NFYC: variants seen among roughly 807,000 people sequenced by gnomAD.
NFYC encodes nuclear transcription factor Y subunit gamma, also known as CAAT box DNA-binding protein subunit C.
NFYC carries 25 observed loss-of-function variants against 53.1 expected under a neutral mutation model. That is an observed-to-expected ratio of 0.47 (90% CI 0.34 to 0.66). NFYC has a LOEUF of 0.66. Ranked by LOEUF, NFYC falls within the 30% of genes least tolerant of loss-of-function variation. NFYC has a pLI of 0.01. For missense variants in NFYC, 260 were observed against 422.7 expected, an observed-to-expected ratio of 0.62 and a Z score of 3.38; for synonymous variants, 145 against 152.6, an observed-to-expected ratio of 0.95 and a Z score of 0.37.
At position 40,691,882 on chromosome 1, in the gene NFYC, G is replaced by C. The variant is rs536820058; in HGVS notation, c.-9+15G>C. ...CCTGAGCAGAGGTGTGTGAGTGTGC[G>C]GGAGTTTCTGTGCGAGGGTGATAGG... On this transcript the variant is annotated intron_variant, in intron 1 of 9. Transcript: ENST00000447388. The C allele has an allele frequency of 2.7e-4, 104 of 385,666 alleles. No homozygotes were observed. The highest frequency in any genetic ancestry group is 1.4e-3 in the Middle Eastern group (4 of 2,782). The allele number at this position is 385,666 out of a possible 1,614,324, so 23.9% of individuals were successfully genotyped here.
intron 6 of NFYC, 81 bp from the exon 7 acceptor site, chr1:40,762,807 A>G: frequency 1.5e-6 from 2 of 1,353,604 alleles, no homozygotes; most frequent in Non-Finnish European, 9.8e-7. Flanking sequence ...CTCCCAGCAC[A>G]TTGCTCGTTA....
intron 1 of NFYC, among the ~76,000 whole-genome samples, chr1:40,726,578 T>C (rs894062621): frequency 6.6e-6 from 1 of 152,012 alleles, no homozygotes; most frequent in African/African-American, 2.4e-5. Flanking sequence ...CCCAGCTGAT[T>C]TTTGTATTTT....
At chr1:40,698,647 C>T (rs567469406) in intron 1 of NFYC, among the ~76,000 whole-genome samples, 5 of 151,872 alleles carry the variant, frequency 3.3e-5, no homozygotes, top group African/African-American at 1.2e-4. Flanking sequence ...AGGCTGGTCA[C>T]GAACTGCTGA....
At chr1:40,758,353 G>A in intron 6 of NFYC, 59 bp downstream of exon 6, 1 of 1,514,812 alleles carries the variant, frequency 6.6e-7, no homozygotes, top group Non-Finnish European at 8.9e-7. Flanking sequence ...GTTTTTGGAT[G>A]GGCAGAGCTT....
At chr1:40,744,693 C>T (rs899130473) in intron 2 of NFYC, among the ~76,000 whole-genome samples, 8 of 152,176 alleles carry the variant, frequency 5.3e-5, no homozygotes, top group Non-Finnish European at 1.2e-4. Flanking sequence ...TGATAGAACT[C>T]CCAAAAGTAG....
At chr1:40,716,409 A>G (rs1359930223) in intron 1 of NFYC, among the ~76,000 whole-genome samples, 1 of 152,196 alleles carries the variant, frequency 6.6e-6, no homozygotes, top group East Asian at 1.9e-4. Context: ...AGAGCAGTAA[A>G]TGGTCAACTG....
chr1:40,738,909 C>G lies in NFYC; in HGVS notation c.66C>G (p.Phe22Leu), dbSNP rs778595309. ...ATGCCCAGCAAAGCCTACAGTCGTTCTGGCCTCGGGTCATGGAAGAAATCC... is the reference window on the plus strand; with the variant it reads ...ATGCCCAGCAAAGCCTACAGTCGTTGTGGCCTCGGGTCATGGAAGAAATCC... ...SSDAQQSLQS[F>L]WPRVMEEIRN... The change falls in exon 2 of 10, where the codon TTC becomes TTG. Residue 22 changes from phenylalanine to leucine, a missense_variant. Coordinates refer to ENST00000447388, the MANE Select transcript of NFYC (RefSeq NM_014223.5). 6.2e-7 allele frequency: 1 copy of G among 1,613,912 alleles called. No homozygotes were observed. Among genetic ancestry groups the G allele is most frequent in the Non-Finnish European group, 8.5e-7 (1 of 1,179,910 alleles).
intron 1 of NFYC, among the ~76,000 whole-genome samples, chr1:40,730,228 G>A (rs1363841029): frequency 7.1e-6 from 1 of 139,984 alleles, no homozygotes; most frequent in East Asian, 2.0e-4. Flanking sequence ...GGTAGAGATA[G>A]GGGGTGTCTC....
intron 5 of NFYC, among the ~76,000 whole-genome samples, chr1:40,754,937 G>T (rs557061919): frequency 1.3e-5 from 2 of 152,272 alleles, no homozygotes; most frequent in East Asian, 3.9e-4. Flanking sequence ...GGTGTTCGAG[G>T]CATTGATTGG....
At chr1:40,762,835 C>T in intron 6 of NFYC, 53 bp from the exon 7 acceptor site, 2 of 1,454,712 alleles carry the variant, frequency 1.4e-6, no homozygotes. Flanking sequence ...CTCGGTAATC[C>T]TGTGGGCTCT....
intron 1 of NFYC, among the ~76,000 whole-genome samples, chr1:40,722,150 G>T (rs1438957138): frequency 2.0e-5 from 3 of 151,958 alleles, no homozygotes; most frequent in Admixed American, 6.5e-5. Flanking sequence ...CAGCCTGGGT[G>T]ACAGAGTGAG....
At chr1:40,762,028 A>G (rs1646573503) in intron 6 of NFYC, among the ~76,000 whole-genome samples, 1 of 152,172 alleles carries the variant, frequency 6.6e-6, no homozygotes, top group Admixed American at 6.5e-5. Flanking sequence ...GAGATTTGAA[A>G]GAATAATTGA....
In NFYC at chr1:40,749,616, A is replaced by G; in HGVS notation, c.221A>G (p.Gln74Arg). Residue 74 changes from glutamine (Q) to arginine (R), a missense_variant, in exon 4 of 10, where the codon CAG (glutamine) becomes CGG (arginine). Physicochemically the swap from Gln to Arg is conservative, Grantham distance 43. Transcript: ENST00000447388. ...EAPVLFAKAA[Q>R]IFITELTLRA... ...CCTGTACTCTTTGCCAAGGCAGCCC[A>G]GATTTTTATCACAGAGTTGACTCTT... 1 of 1,614,174 alleles carries G rather than the reference A, an allele frequency of 6.2e-7. No homozygotes were observed. Among genetic ancestry groups the G allele is most frequent in the Non-Finnish European group, 8.5e-7 (1 of 1,180,016 alleles).
intron 9 of NFYC, among the ~76,000 whole-genome samples, chr1:40,769,970 T>G (rs1647005019): frequency 1.3e-5 from 2 of 152,198 alleles, no homozygotes; most frequent in African/African-American, 2.4e-5. Context: ...CCCAAACTTG[T>G]GCCCTCTGCT....
At chr1:40,764,267 A>C (rs916025920) in intron 7 of NFYC, among the ~76,000 whole-genome samples, 3 of 152,202 alleles carry the variant, frequency 2.0e-5, no homozygotes, top group African/African-American at 7.2e-5. Context: ...TTGGTTAACC[A>C]CTTCCTCTGT....
At chr1:40,717,336 A>G (rs1644174689) in intron 1 of NFYC, among the ~76,000 whole-genome samples, 1 of 152,164 alleles carries the variant, frequency 6.6e-6, no homozygotes, top group Non-Finnish European at 1.5e-5. Context: ...TTCCCATGTA[A>G]GAATTAATAT....
intron 1 of NFYC, among the ~76,000 whole-genome samples, chr1:40,708,397 C>T (rs1341627954): frequency 6.6e-6 from 1 of 152,086 alleles, no homozygotes; most frequent in Non-Finnish European, 1.5e-5. Context: ...ACATGAGCAC[C>T]CAAGGATTTT....
rs1644056089 is a variant in NFYC at position 40,714,639 on chromosome 1, A to G, written c.-9+22772A>G. On this transcript the variant is annotated intron_variant, in intron 1 of 9. Transcript: ENST00000447388. ...TTTTCTTTCCTTTTTTTTGGAGACA[A>G]GGTCTTGCTCTGTCACCCAGGCTAG... Among the ~76,000 whole-genome samples, 3 of 152,016 alleles carry G rather than the reference A, an allele frequency of 2.0e-5. 1 individual carries two copies. In the South Asian group the frequency reaches 6.2e-4, roughly 31 times the overall value.
In NFYC at chr1:40,749,818, C is replaced by A. The variant is rs1645811644; in HGVS notation, c.291+132C>A. 5 of 694,494 alleles carry A rather than the reference C, an allele frequency of 7.2e-6. No homozygotes were observed. In the Admixed American group the frequency reaches 9.3e-5, roughly 13 times the overall value. 43.0% of individuals were successfully genotyped at this position (694,494 alleles called of 1,614,324 possible). ...TTCTCCTTTAGGACCAAAGATTGTT[C>A]TCCTTTAGGCCTCTATCAAGCTGAC... On this transcript the variant is annotated intron_variant, in intron 4 of 9. Transcript: ENST00000447388.
Sources: allele counts gnomAD v4.1 joint callset (sites outside exome capture counted in the v4.1 genomes callset), GRCh38; gene constraint gnomAD v4.1.1; transcripts MANE v1.5; gene names NCBI Gene and HGNC (gene_info 2026-07-23, HGNC 2026-07-21).